Variants in PAN3 observed in about 807,000 individuals in gnomAD.
PAN3 encodes poly(A) specific ribonuclease subunit PAN3, also known as PAN2-PAN3 deadenylation complex subunit PAN3.
PAN3 carries 19 observed loss-of-function variants against 96.2 expected under a neutral mutation model. That is an observed-to-expected ratio of 0.20 (90% confidence interval 0.14 to 0.29). The LOEUF is 0.29. Ranked by LOEUF, PAN3 falls within the 10% of genes least tolerant of loss-of-function variation. PAN3 has a pLI of 1.00. For missense variants in PAN3, 882 were observed against 1,108.1 expected (o/e 0.80, Z 2.90); for synonymous variants, 433 against 406.6 (o/e 1.06, Z -0.78).
At chr13:28,283,763 A>G (rs1160808849) in intron 17 of PAN3, among the ~76,000 whole-genome samples, 1 of 152,228 alleles carries the variant, frequency 6.6e-6, no homozygotes, top group African/African-American at 2.4e-5. Context: ...TAATTGCAGC[A>G]TAGAGAGGTT....
chr13:28,225,520 T>G (rs1162155625), intron 6 of PAN3, among the ~76,000 whole-genome samples: 1 of 152,208 alleles, frequency 6.6e-6, no homozygotes, highest in Non-Finnish European at 1.5e-5. Context: ...CCTTTGGGAT[T>G]TACATAGTCC....
intron 6 of PAN3, among the ~76,000 whole-genome samples, chr13:28,248,829 T>C (rs967699377): frequency 1.3e-5 from 2 of 152,210 alleles, no homozygotes; most frequent in South Asian, 2.1e-4. Context: ...TCATTCGATA[T>C]GGTGTTAGCT....
intron 1 of PAN3, among the ~76,000 whole-genome samples, chr13:28,163,108 A>T (rs1165126114): frequency 6.6e-6 from 1 of 151,844 alleles, no homozygotes; most frequent in Non-Finnish European, 1.5e-5. Flanking sequence ...CAGTGGTATG[A>T]TGACAGCTCA....
At chr13:28,252,964 T>C (rs890719757) in intron 6 of PAN3, among the ~76,000 whole-genome samples, 1 of 152,160 alleles carries the variant, frequency 6.6e-6, no homozygotes, top group Non-Finnish European at 1.5e-5. Context: ...CCCTGCTGTA[T>C]ATGGAAAGAT....
intron 14 of PAN3, among the ~76,000 whole-genome samples, chr13:28,272,483 C>T (rs1886706805): frequency 1.3e-5 from 2 of 151,690 alleles, no homozygotes; most frequent in Non-Finnish European, 1.5e-5. Flanking sequence ...ACGATGTTGC[C>T]CAGGCTGTAT....
chr13:28,172,738 C>G (rs1011623039), intron 1 of PAN3, among the ~76,000 whole-genome samples: 14 of 152,078 alleles, frequency 9.2e-5, no homozygotes, highest in African/African-American at 3.1e-4. Flanking sequence ...ACACGTTAAC[C>G]TACAAGGAAG....
At chr13:28,159,145 C>T (rs1016720526) in intron 1 of PAN3, among the ~76,000 whole-genome samples, 4 of 152,086 alleles carry the variant, frequency 2.6e-5, no homozygotes, top group Admixed American at 6.6e-5. Context: ...GTCATAAAGA[C>T]GCATGAATAT....
chr13:28,251,325 T>C (rs1238464420), intron 6 of PAN3, among the ~76,000 whole-genome samples: 1 of 152,232 alleles, frequency 6.6e-6, no homozygotes, highest in Non-Finnish European at 1.5e-5. Flanking sequence ...ACATGCTCGT[T>C]CTTATGAGTT....
Position 28,288,105 on chromosome 13 carries a change from A to C in PAN3, c.2506A>C (p.Ile836Leu). 1 of 1,604,060 alleles carries C rather than the reference A, an allele frequency of 6.2e-7. No individual in the cohort carries two copies. The highest frequency in any genetic ancestry group is 8.5e-7 in the Non-Finnish European group (1 of 1,177,208). The change falls in exon 18 of 19, where the codon ATT (isoleucine) becomes CTT (leucine). Residue 836 changes from isoleucine to leucine, a missense_variant. By Grantham distance (5) the Ile-to-Leu change is conservative. This residue lies in a region of PAN3 where 76 missense variants were observed against 171.7 expected (regional missense o/e 0.44). Transcript: ENST00000380958. Reference sequence around the variant, plus strand: ...TCCCTGGATTGACCTCAGTCATATAATTTCTTGTCTTAACAAGGTAATTTG... The same window carrying C: ...TCCCTGGATTGACCTCAGTCATATACTTTCTTGTCTTAACAAGGTAATTTG... The part of the protein sequence containing the change: ...GAPWIDLSHI[I>L]SCLNKLDAGV...
chr13:28,189,471 A>G (rs1437619498), intron 4 of PAN3, among the ~76,000 whole-genome samples: 1 of 152,004 alleles, frequency 6.6e-6, no homozygotes, highest in African/African-American at 2.4e-5. Flanking sequence ...AGCCGAGATC[A>G]TGCCACTGCA....
At position 28,267,226 on chromosome 13, in the gene PAN3, A is replaced by T. The variant is rs1368604784; in HGVS notation, c.1690+15A>T. Reference sequence around the variant, plus strand: ...TGCTGAGCCCTGTGAGTAACTTGTAATTTGTCTTTCTGCTGGTGAGCTTCA... The same window carrying T: ...TGCTGAGCCCTGTGAGTAACTTGTATTTTGTCTTTCTGCTGGTGAGCTTCA... On this transcript the variant is annotated intron_variant, in intron 11 of 18. Transcript: ENST00000380958. 1 of 1,612,000 alleles carries T rather than the reference A, an allele frequency of 6.2e-7. No homozygotes were observed. The highest frequency in any genetic ancestry group is 1.7e-5 in the Admixed American group (1 of 59,990).
intron 5 of PAN3, among the ~76,000 whole-genome samples, chr13:28,203,928 C>T (rs777990001): frequency 2.0e-5 from 3 of 151,558 alleles, no homozygotes; most frequent in South Asian, 2.1e-4. Flanking sequence ...TTCAGCCTCC[C>T]GAGTAGCTGG....
chr13:28,239,012 T>C (rs45520734), intron 6 of PAN3, among the ~76,000 whole-genome samples: 32 of 152,246 alleles, frequency 2.1e-4, no homozygotes, highest in Admixed American at 9.8e-4. Context: ...ATATTTTATT[T>C]AACAAGTGAA....
Position 28,138,754 on chromosome 13 carries a change from G to T in PAN3, c.97G>T (p.Val33Phe). 1 of 1,338,864 alleles carries T rather than the reference G, an allele frequency of 7.5e-7. No homozygotes were observed. The highest frequency in any genetic ancestry group is 9.5e-7 in the Non-Finnish European group (1 of 1,047,440). 82.9% of individuals were successfully genotyped at this position (1,338,864 alleles called of 1,614,324 possible). ...GGTGGCGGTGGTGGCCCCGCCGGGG[G>T]TCGGGGGTGTCCCCGGCGGGGCGGC... ...AAVAVVAPPG[V>F]GGVPGGAAVG... Residue 33 changes from valine (V) to phenylalanine (F), a missense_variant, in exon 1 of 19, where the codon GTC becomes TTC. Physicochemically the swap from Val to Phe is conservative, Grantham distance 50. This residue lies in a region of PAN3 where 442 missense variants were observed against 422.8 expected (regional missense o/e 1.05). Coordinates refer to ENST00000380958, the MANE Select transcript of PAN3 (RefSeq NM_175854.8).
chr13:28,162,080 A>G (rs1363018558), intron 1 of PAN3, among the ~76,000 whole-genome samples: 1 of 152,232 alleles, frequency 6.6e-6, no homozygotes, highest in Non-Finnish European at 1.5e-5. Context: ...TAGATTTGGC[A>G]CCTAATATCA....
chr13:28,222,674 G>GTTT (rs1412925206), intron 6 of PAN3, among the ~76,000 whole-genome samples: 1 of 152,046 alleles, frequency 6.6e-6, no homozygotes, highest in Non-Finnish European at 1.5e-5. Flanking sequence ...ATGTTGTTTT[G>GTTT]TTTAAGGAAG....
chr13:28,259,641 A>G lies in PAN3; in HGVS notation c.1249-806A>G, dbSNP rs149633235. ...ATTTTTTTAATTTTTTATTTTATTT[A>G]TTTATTTATTTATTGAGACGGGGTT... is the stretch of plus-strand genomic sequence containing the variant. On this transcript the variant is annotated intron_variant, in intron 7 of 18. Coordinates refer to ENST00000380958, the MANE Select transcript of PAN3 (RefSeq NM_175854.8). Among the ~76,000 whole-genome samples, 1,047 of 151,130 alleles carry G rather than the reference A, an allele frequency of 6.9e-3. 11 individuals are homozygous for G. Among genetic ancestry groups the G allele is most frequent in the African/African-American group, 0.025 (1,012 of 41,274 alleles).
intron 1 of PAN3, among the ~76,000 whole-genome samples, chr13:28,165,872 G>A (rs1873473437): frequency 6.6e-6 from 1 of 151,974 alleles, no homozygotes. Flanking sequence ...TGCTTCATAA[G>A]GGTGCTAATT....
At chr13:28,276,329 C>T (rs1322801791) in intron 14 of PAN3, among the ~76,000 whole-genome samples, 1 of 152,162 alleles carries the variant, frequency 6.6e-6, no homozygotes, top group Admixed American at 6.5e-5. Context: ...TTTTAAAGAT[C>T]TGCAAATGTC....
Sources: allele counts gnomAD v4.1 joint callset (sites outside exome capture counted in the v4.1 genomes callset), GRCh38; gene constraint gnomAD v4.1.1; regional missense constraint gnomAD v4.1.1; transcripts MANE v1.5; gene names NCBI Gene and HGNC (gene_info 2026-07-23, HGNC 2026-07-21).